The following LMTK2 variants were observed in gnomAD, a reference collection of about 807,000 sequenced individuals.
The protein encoded by LMTK2 is serine/threonine-protein kinase LMTK2.
A neutral mutation model predicts 127.5 loss-of-function variants in LMTK2; 37 were observed. The ratio of observed to expected loss-of-function variants is 0.29; its 90% CI spans 0.22 to 0.38. LMTK2 has a LOEUF of 0.38. Ranked by LOEUF, LMTK2 falls within the 10% of genes least tolerant of loss-of-function variation. LMTK2 has a pLI of 1.00. For missense variants in LMTK2, 1,694 were observed against 1,920.3 expected (o/e 0.88, Z 2.20); for synonymous variants, 819 against 810.1 (o/e 1.01, Z -0.19).
intron 11 of LMTK2, among the ~76,000 whole-genome samples, chr7:98,198,347 C>T (rs1203077558): frequency 2.0e-5 from 3 of 151,980 alleles, no homozygotes; most frequent in Non-Finnish European, 2.9e-5. Flanking sequence ...TGTGCCACCG[C>T]GCTTGGCTAA....
At chr7:98,142,156 G>A (rs1017845075) in intron 3 of LMTK2, among the ~76,000 whole-genome samples, 5 of 151,932 alleles carry the variant, frequency 3.3e-5, no homozygotes, top group Non-Finnish European at 7.4e-5. Context: ...TTAAGCTTTT[G>A]CTTTGACCAA....
chr7:98,169,089 C>A (rs1797147523), intron 6 of LMTK2, among the ~76,000 whole-genome samples: 1 of 151,962 alleles, frequency 6.6e-6, no homozygotes, highest in African/African-American at 2.4e-5. Flanking sequence ...TTGATTTTTT[C>A]TTTTAAACTG....
chr7:98,204,575 T>A (rs936102056), intron 13 of LMTK2, among the ~76,000 whole-genome samples: 7 of 152,248 alleles, frequency 4.6e-5, no homozygotes, highest in African/African-American at 1.7e-4. Context: ...TACAGTGACC[T>A]ATGATTGTGC....
At chr7:98,112,931 A>C (rs1796223736) in intron 1 of LMTK2, among the ~76,000 whole-genome samples, 1 of 152,132 alleles carries the variant, frequency 6.6e-6, no homozygotes, top group Non-Finnish European at 1.5e-5. Context: ...ATCACAGCTC[A>C]CTGTAGCCTC....
At chr7:98,183,466 C>G (rs1326055131) in intron 7 of LMTK2, among the ~76,000 whole-genome samples, 1 of 152,170 alleles carries the variant, frequency 6.6e-6, no homozygotes, top group Admixed American at 6.5e-5. Flanking sequence ...CGGCTTATTG[C>G]AGCCTCCGCC....
chr7:98,155,021 T>TC (rs1796908479), intron 5 of LMTK2, 145 bp downstream of exon 5: 1 of 570,060 alleles, frequency 1.8e-6, no homozygotes, highest in Non-Finnish European at 3.1e-6. Flanking sequence ...TGTCCAGGCG[T>TC]CATCTGAAAA....
At chr7:98,161,624 G>A (rs961075211) in intron 6 of LMTK2, among the ~76,000 whole-genome samples, 46 of 152,036 alleles carry the variant, frequency 3.0e-4, no homozygotes, top group African/African-American at 1.1e-3. Flanking sequence ...TTATATAATC[G>A]GTTTTGATGA....
chr7:98,113,510 C>T (rs1334882186), intron 1 of LMTK2, among the ~76,000 whole-genome samples: 2 of 152,198 alleles, frequency 1.3e-5, no homozygotes, highest in African/African-American at 4.8e-5. Context: ...ATCCTCCTGC[C>T]TCAGTCTCCA....
At chr7:98,148,088 C>T (rs1796798072) in intron 3 of LMTK2, among the ~76,000 whole-genome samples, 1 of 151,956 alleles carries the variant, frequency 6.6e-6, no homozygotes, top group South Asian at 2.1e-4. Context: ...CCCAGCTACT[C>T]AGGAGGCTGA....
chr7:98,197,693 T>C (rs1264539640), intron 11 of LMTK2, among the ~76,000 whole-genome samples: 6 of 151,772 alleles, frequency 4.0e-5, no homozygotes, highest in Non-Finnish European at 8.8e-5. Context: ...TTTTAAAAAA[T>C]TGGCCAGTTG....
intron 7 of LMTK2, among the ~76,000 whole-genome samples, chr7:98,179,971 G>A (rs558820338): frequency 3.3e-5 from 5 of 152,308 alleles, no homozygotes; most frequent in South Asian, 4.1e-4. Context: ...TAGCTTTGTG[G>A]CCCTAGCGAA....
At chr7:98,125,549 T>C in intron 1 of LMTK2, among the ~76,000 whole-genome samples, 1 of 152,214 alleles carries the variant, frequency 6.6e-6, no homozygotes, top group East Asian at 1.9e-4. Context: ...GTAGGGTGAC[T>C]GCGCAGCCAT....
chr7:98,157,455 C>T (rs1311436662), intron 5 of LMTK2, among the ~76,000 whole-genome samples: 1 of 152,078 alleles, frequency 6.6e-6, no homozygotes, highest in Admixed American at 6.5e-5. Flanking sequence ...TCATACAGCC[C>T]AGCAGTTGCA....
At chr7:98,137,796 G>A (rs1796615909) in intron 2 of LMTK2, among the ~76,000 whole-genome samples, 1 of 152,236 alleles carries the variant, frequency 6.6e-6, no homozygotes, top group Non-Finnish European at 1.5e-5. Flanking sequence ...GGTTCTTGCT[G>A]AGTGAGGAGT....
intron 1 of LMTK2, among the ~76,000 whole-genome samples, chr7:98,117,261 C>A (rs1404843484): frequency 6.6e-6 from 1 of 152,128 alleles, no homozygotes; most frequent in African/African-American, 2.4e-5. Flanking sequence ...TCTTCCTCTT[C>A]CCCTTCCCTT....
chr7:98,186,423 C>G (rs1797435247), intron 8 of LMTK2, among the ~76,000 whole-genome samples: 2 of 152,094 alleles, frequency 1.3e-5, no homozygotes, highest in Non-Finnish European at 2.9e-5. Context: ...CTTCACAGAT[C>G]AGGAAAAAAC....
At chr7:98,120,876 C>A (rs1310128307) in intron 1 of LMTK2, among the ~76,000 whole-genome samples, 2 of 152,134 alleles carry the variant, frequency 1.3e-5, no homozygotes, top group Non-Finnish European at 2.9e-5. Context: ...GAACACTCTC[C>A]CAGAGGCCTG....
At chr7:98,135,796 G>A (rs1191838966) in intron 1 of LMTK2, among the ~76,000 whole-genome samples, 12 of 151,908 alleles carry the variant, frequency 7.9e-5, no homozygotes, top group Admixed American at 7.2e-4. Context: ...TCTAGATAGG[G>A]ATGGGAAAAG....
chr7:98,133,313 G>C (rs901330183), intron 1 of LMTK2, among the ~76,000 whole-genome samples: 1 of 152,056 alleles, frequency 6.6e-6, no homozygotes, highest in African/African-American at 2.4e-5. Context: ...TTCTTTATCA[G>C]GTTCTAACAG....
Sources: allele counts gnomAD v4.1 joint callset (sites outside exome capture counted in the v4.1 genomes callset), GRCh38; gene constraint gnomAD v4.1.1; transcripts MANE v1.5; gene names NCBI Gene and HGNC (gene_info 2026-07-23, HGNC 2026-07-21).